The following LRP1B variants were observed in gnomAD, a reference collection of about 807,000 sequenced individuals.
LRP1B encodes low-density lipoprotein receptor-related protein 1B.
LRP1B carries 217 observed loss-of-function variants against 556.6 expected under a neutral mutation model. That is an observed-to-expected ratio of 0.39 (90% CI 0.35 to 0.44). The LOEUF (loss-of-function observed/expected upper bound fraction) is 0.44, where lower values mean the gene tolerates loss of function less well. Ranked by LOEUF, LRP1B falls within the 20% of genes least tolerant of loss-of-function variation. LRP1B has a pLI of 1.00. For synonymous variants in LRP1B, 2,047 were observed against 1,865.8 expected (o/e 1.10, Z -2.50); for missense variants, 5,053 against 5,620.8 (o/e 0.90, Z 3.23).
intron 75 of LRP1B, among the ~76,000 whole-genome samples, chr2:140,354,209 T>C (rs990255501): frequency 1.3e-5 from 2 of 152,098 alleles, no homozygotes; most frequent in African/African-American, 4.8e-5. Flanking sequence ...GATAAATCCT[T>C]CCCTTGAATT....
chr2:140,656,095 G>C (rs535648053), intron 41 of LRP1B, among the ~76,000 whole-genome samples: 2 of 152,176 alleles, frequency 1.3e-5, no homozygotes, highest in Non-Finnish European at 2.9e-5. Context: ...GTCCATCTAT[G>C]TCAGACCACA....
At chr2:141,011,335 A>G (rs1022783199) in intron 14 of LRP1B, among the ~76,000 whole-genome samples, 3 of 151,992 alleles carry the variant, frequency 2.0e-5, no homozygotes, top group African/African-American at 7.2e-5. Context: ...AAATTATAAT[A>G]ATTAAGACAA....
intron 3 of LRP1B, among the ~76,000 whole-genome samples, chr2:141,433,481 G>T (rs1055978748): frequency 6.6e-6 from 1 of 152,002 alleles, no homozygotes; most frequent in Admixed American, 6.6e-5. Flanking sequence ...CTTGAGAATT[G>T]TTGTACTAAG....
chr2:141,495,955 T>A lies in LRP1B; in HGVS notation c.206-15422A>T, dbSNP rs186280492. On this transcript the variant is annotated intron_variant, in intron 2 of 90. Transcript: ENST00000389484. ...AGCACAGTATTTAACACAGAAAGAG[T>A]AATCCAGGGAATTTCTTTAAGGATG... Among the ~76,000 whole-genome samples the A allele has an allele frequency of 1.3e-3, 195 of 152,110 alleles. 5 individuals are homozygous for A. The Middle Eastern group carries it at 0.014, about 11-fold the overall frequency.
intron 2 of LRP1B, among the ~76,000 whole-genome samples, chr2:141,712,339 A>G (rs1322845551): frequency 2.0e-5 from 3 of 152,008 alleles, no homozygotes; most frequent in African/African-American, 7.3e-5. Flanking sequence ...TATCACGTCA[A>G]CTGTACTCCA....
At chr2:141,968,602 GA>G (rs969807046) in intron 1 of LRP1B, among the ~76,000 whole-genome samples, 17 of 151,132 alleles carry the variant, frequency 1.1e-4, no homozygotes, top group Non-Finnish European at 2.1e-4. Context: ...GAGTACACAT[GA>G]AAAAAAAGTG....
chr2:141,639,892 C>T (rs1323514062), intron 2 of LRP1B, among the ~76,000 whole-genome samples: 3 of 152,140 alleles, frequency 2.0e-5, no homozygotes, highest in African/African-American at 7.2e-5. Context: ...TACAACCTTA[C>T]ACCCTAAGGC....
intron 1 of LRP1B, among the ~76,000 whole-genome samples, chr2:141,882,845 T>TGCAGCC (rs1698997054): frequency 6.6e-6 from 1 of 152,008 alleles, no homozygotes; most frequent in Non-Finnish European, 1.5e-5. Context: ...AGTGCAGGGG[T>TGCAGCC]TATAGGCACA....
chr2:141,021,495 C>T (rs1525598), intron 11 of LRP1B, among the ~76,000 whole-genome samples: 60,863 of 151,752 alleles, frequency 0.4, 12,361 homozygotes, highest in South Asian at 0.47. Flanking sequence ...ATTTTGCCTT[C>T]ACTTATTGAC....
At chr2:141,760,705 G>A (rs1046072063) in intron 2 of LRP1B, among the ~76,000 whole-genome samples, 5 of 152,082 alleles carry the variant, frequency 3.3e-5, no homozygotes, top group Non-Finnish European at 5.9e-5. Flanking sequence ...TTTCATACAA[G>A]AACACTACGT....
Position 140,535,326 on chromosome 2 carries a change from A to G in LRP1B, c.7643-1186T>C, listed in dbSNP as rs538935010. Among the ~76,000 whole-genome samples, 7 of 152,302 alleles carry G rather than the reference A, an allele frequency of 4.6e-5. No individual in the cohort carries two copies. The South Asian group carries it at 1.4e-3, about 32-fold the overall frequency. ...TGCAATACAATTTATATGCTTTAAT[A>G]TTTTTATATCTTATAGAATATAGCC... On this transcript the variant is annotated intron_variant, in intron 46 of 90. Coordinates refer to ENST00000389484, the MANE Select transcript of LRP1B (RefSeq NM_018557.3).
intron 41 of LRP1B, among the ~76,000 whole-genome samples, chr2:140,656,513 G>A (rs981539835): frequency 2.2e-4 from 34 of 152,022 alleles, no homozygotes. Context: ...AAATATCTTT[G>A]TTATCACATC....
intron 25 of LRP1B, among the ~76,000 whole-genome samples, chr2:140,877,940 G>C (rs1201981172): frequency 6.6e-6 from 1 of 152,122 alleles, no homozygotes; most frequent in Non-Finnish European, 1.5e-5. Context: ...CAGGTTTATG[G>C]GGTTCACAGA....
intron 18 of LRP1B, among the ~76,000 whole-genome samples, chr2:140,965,166 G>A (rs560693187): frequency 1.3e-5 from 2 of 152,192 alleles, no homozygotes; most frequent in South Asian, 4.1e-4. Context: ...CTGGGGTAGT[G>A]GGCTGAATTG....
intron 83 of LRP1B, among the ~76,000 whole-genome samples, chr2:140,304,533 T>C (rs935339066): frequency 2.0e-5 from 3 of 152,310 alleles, no homozygotes; most frequent in Non-Finnish European, 2.9e-5. Context: ...TTGTTTGAGT[T>C]CTTTGTAGAT....
Position 140,995,424 on chromosome 2 carries a change from G to A in LRP1B, c.2504-1289C>T, listed in dbSNP as rs557753971. Among the ~76,000 whole-genome samples, 5 of 152,056 alleles carry A rather than the reference G, an allele frequency of 3.3e-5. No homozygotes were observed. The East Asian group carries it at 9.7e-4, about 29-fold the overall frequency. On this transcript the variant is annotated intron_variant, in intron 15 of 90. Transcript: ENST00000389484. ...TTGACTTTTAACAACTAAGAACTTC[G>A]AAGATTTATTTTAAACAACACTGAT...
At chr2:141,553,983 CAT>C (rs1237496883) in intron 2 of LRP1B, among the ~76,000 whole-genome samples, 27 of 135,884 alleles carry the variant, frequency 2.0e-4, no homozygotes, top group Non-Finnish European at 3.2e-4. Context: ...CATTAATAGA[CAT>C]AGATATAGAT....
At chr2:141,595,769 T>A (rs553871491) in intron 2 of LRP1B, among the ~76,000 whole-genome samples, 2 of 152,138 alleles carry the variant, frequency 1.3e-5, no homozygotes, top group East Asian at 3.9e-4. Flanking sequence ...TCCATGAAAA[T>A]GTTATTTAAA....
chr2:141,941,728 G>C (rs1700809135), intron 1 of LRP1B, among the ~76,000 whole-genome samples: 1 of 152,130 alleles, frequency 6.6e-6, no homozygotes. Context: ...CATTTTAGAT[G>C]ATTCTGGTTT....
Sources: gnomAD v4.1 joint callset for allele counts (sites outside exome capture counted in the v4.1 genomes callset) on GRCh38, gnomAD v4.1.1 for gene constraint, MANE v1.5 for transcripts, NCBI Gene and HGNC (gene_info 2026-07-23, HGNC 2026-07-21) for gene names.